RECK: variants seen among roughly 807,000 people sequenced by gnomAD.
RECK encodes the protein reversion-inducing cysteine-rich protein with Kazal motifs.
A neutral mutation model predicts 115.1 loss-of-function variants in RECK; 69 were observed. That is an observed-to-expected ratio of 0.60 (90% confidence interval 0.49 to 0.73). RECK has a LOEUF of 0.73. RECK is among the 30% of genes least tolerant of loss of function. RECK has a pLI of 0.00. For missense variants in RECK, 1,047 were observed against 1,203.7 expected (o/e 0.87, Z 1.93); for synonymous variants, 414 against 419.7 (o/e 0.99, Z 0.17).
intron 1 of RECK, among the ~76,000 whole-genome samples, chr9:36,046,183 A>G (rs189069288): frequency 1.6e-3 from 244 of 152,362 alleles, no homozygotes; most frequent in African/African-American, 5.4e-3. Context: ...GGATCAAATT[A>G]TAAACCCAGA....
chr9:36,037,453 G>T (rs1351843941), intron 1 of RECK, among the ~76,000 whole-genome samples: 1 of 151,752 alleles, frequency 6.6e-6, no homozygotes, highest in Non-Finnish European at 1.5e-5. Flanking sequence ...TGGGATTTCG[G>T]ATACGCAGCC....
At chr9:36,041,012 G>A (rs1017461586) in intron 1 of RECK, among the ~76,000 whole-genome samples, 1 of 152,122 alleles carries the variant, frequency 6.6e-6, no homozygotes, top group African/African-American at 2.4e-5. Flanking sequence ...TTCCATACTT[G>A]TGAGTAATCC....
chr9:36,119,077 T>G, intron 18 of RECK, 110 bp downstream of exon 18: 1 of 1,093,132 alleles, frequency 9.1e-7, no homozygotes, highest in East Asian at 2.5e-5. Flanking sequence ...TCAGAAAGTC[T>G]TGAAGAGATT....
intron 6 of RECK, among the ~76,000 whole-genome samples, chr9:36,078,838 G>T (rs1822558612): frequency 6.6e-6 from 1 of 152,070 alleles, no homozygotes; most frequent in South Asian, 2.1e-4. Context: ...TAGAAAGTTG[G>T]TAGCCGACTA....
At chr9:36,079,710 T>C (rs912584428) in intron 6 of RECK, among the ~76,000 whole-genome samples, 6 of 152,190 alleles carry the variant, frequency 3.9e-5, no homozygotes, top group African/African-American at 1.4e-4. Flanking sequence ...GTGTGCTTGA[T>C]TTCCTTCTGC....
chr9:36,111,755 A>G (rs35040536), intron 15 of RECK, among the ~76,000 whole-genome samples: 14,426 of 152,074 alleles, frequency 0.095, 774 homozygotes, highest in Non-Finnish European at 0.099. Context: ...CCAGACTTCA[A>G]ACATCTAAAT....
At chr9:36,114,865 A>G (rs1001828751) in intron 16 of RECK, among the ~76,000 whole-genome samples, 7 of 151,952 alleles carry the variant, frequency 4.6e-5, no homozygotes, top group Admixed American at 6.6e-5. Context: ...AAAACAAAAC[A>G]AAAAACACTA....
At chr9:36,058,269 C>T (rs1205728210) in intron 2 of RECK, among the ~76,000 whole-genome samples, 2 of 151,608 alleles carry the variant, frequency 1.3e-5, no homozygotes, top group African/African-American at 2.4e-5. Context: ...CCAACAATGA[C>T]AGACTGGATT....
intron 10 of RECK, among the ~76,000 whole-genome samples, chr9:36,099,224 TCAACAACAACAACAACAACAA>T (rs60403523): frequency 1.9e-4 from 28 of 146,982 alleles, no homozygotes; most frequent in Admixed American, 4.8e-4. Flanking sequence ...AGAACCTGTC[TCAACAACAACAACAACAACAA>T]CAACAACAAC....
rs1309443407 is a variant in RECK at position 36,083,461 on chromosome 9, A to G, written c.536A>G (p.Gln179Arg). 1 of 1,614,124 alleles carries G rather than the reference A, an allele frequency of 6.2e-7. No individual in the cohort carries two copies. The highest frequency in any genetic ancestry group is 2.2e-5 in the East Asian group (1 of 44,880). Residue 179 changes from glutamine to arginine, a missense_variant, in exon 8 of 21, where the codon CAG (glutamine) becomes CGG (arginine). Gln to Arg is a conservative substitution (Grantham distance 43). Coordinates refer to ENST00000377966, the MANE Select transcript of RECK (RefSeq NM_021111.3). ...ACAGACTCTTCTCCTGGTCCATCTC[A>G]GATAAAAGCAGTGGAAAATTATTGC... is the stretch of plus-strand genomic sequence containing the variant. ...FRTDSSPGPS[Q>R]IKAVENYCAS...
chr9:36,065,738 C>A, intron 6 of RECK, 114 bp downstream of exon 6: 2 of 860,764 alleles, frequency 2.3e-6, no homozygotes, highest in Non-Finnish European at 3.2e-6. Flanking sequence ...TTTTACCTTA[C>A]AGAAAATTTT....
intron 5 of RECK, among the ~76,000 whole-genome samples, chr9:36,064,081 T>C (rs1368601581): frequency 6.6e-6 from 1 of 152,366 alleles, no homozygotes; most frequent in Non-Finnish European, 1.5e-5. Context: ...CTCAGCCTGC[T>C]TTTATTCTTT....
chr9:36,120,840 A>T lies in RECK; in HGVS notation c.2538+104A>T. The stretch of plus-strand genomic sequence containing the variant: ...TCCTCATTCATAGATAAAGAAACTA[A>T]TCTTCAGAAAAGCAACTTTCCCAGG... On this transcript the variant is annotated intron_variant, in intron 19 of 20. Coordinates refer to ENST00000377966, the MANE Select transcript of RECK (RefSeq NM_021111.3). 3.6e-6 allele frequency: 3 copies of T among 843,618 alleles called. No homozygotes were observed. The East Asian group carries it at 7.8e-5, about 22-fold the overall frequency. The allele number at this position is 843,618 out of a possible 1,614,324, so 52.3% of individuals were successfully genotyped here.
rs1824359513 is a variant in RECK, at chr9:36,118,852, C to T, written c.2349C>T (p.Tyr783=). 1 of 1,614,028 alleles carries T rather than the reference C, an allele frequency of 6.2e-7. No homozygotes were observed. Among genetic ancestry groups the T allele is most frequent in the Admixed American group, 1.7e-5 (1 of 60,008 alleles). ...AAYSDRVAVD[Y]YGDCQAVGVL... Reference sequence around the variant, plus strand: ...ACTCGGATCGCGTGGCAGTCGATTACTATGGGGACTGCCAGGCCGTCGGAG... The same window carrying T: ...ACTCGGATCGCGTGGCAGTCGATTATTATGGGGACTGCCAGGCCGTCGGAG... The change falls in exon 18 of 21, where the codon TAC becomes TAT. Residue 783 remains tyrosine (Y), a synonymous_variant. Coordinates refer to ENST00000377966, the MANE Select transcript of RECK (RefSeq NM_021111.3).
At chr9:36,099,198 C>T (rs548065027) in intron 10 of RECK, among the ~76,000 whole-genome samples, 1 of 151,836 alleles carries the variant, frequency 6.6e-6, no homozygotes, top group East Asian at 1.9e-4. Context: ...TGCACTCCAG[C>T]CTGGGTGACA....
At chr9:36,099,272 G>A (rs2132648915) in intron 10 of RECK, among the ~76,000 whole-genome samples, 1 of 145,428 alleles carries the variant, frequency 6.9e-6, no homozygotes, top group African/African-American at 2.5e-5. Context: ...AACAACAACA[G>A]TGGAGCTTTC....
intron 1 of RECK, among the ~76,000 whole-genome samples, chr9:36,043,086 G>C (rs577236710): frequency 8.2e-6 from 1 of 121,388 alleles, no homozygotes; most frequent in African/African-American, 3.2e-5. Context: ...AGTGCATCTC[G>C]TGATCTCGGC....
At chr9:36,117,748 A>G (rs944022296) in intron 17 of RECK, among the ~76,000 whole-genome samples, 4 of 152,208 alleles carry the variant, frequency 2.6e-5, no homozygotes, top group African/African-American at 7.2e-5. Context: ...TTTGGGAGGC[A>G]GAAGAGGTGG....
Position 36,087,712 on chromosome 9 carries a change from G to C in RECK, c.656G>C (p.Arg219Thr). ...NPTDSLYCCD[R>T]AEDHACQNAC... ...AATGTAGGTTTATATTGCTGTGACA[G>C]AGCTGAAGACCATGCTTGCCAAAAT... The change falls in exon 9 of 21, where the codon AGA (arginine) becomes ACA (threonine). Residue 219 changes from arginine (R) to threonine (T), a missense_variant. Coordinates refer to ENST00000377966, the MANE Select transcript of RECK (RefSeq NM_021111.3). The C allele has an allele frequency of 6.2e-7, 1 of 1,613,940 alleles. No individual in the cohort carries two copies. The highest frequency in any genetic ancestry group is 8.5e-7 in the Non-Finnish European group (1 of 1,179,878).
Sources: allele counts gnomAD v4.1 joint callset (sites outside exome capture counted in the v4.1 genomes callset), GRCh38; gene constraint gnomAD v4.1.1; transcripts MANE v1.5; gene names NCBI Gene and HGNC (gene_info 2026-07-23, HGNC 2026-07-21).